RSPH14: variants seen among roughly 807,000 people sequenced by gnomAD.
RSPH14 encodes radial spoke head 14 homolog.
RSPH14 carries 20 observed loss-of-function variants against 26.7 expected under a neutral mutation model. The observed-to-expected ratio is 0.75, with a 90% CI of 0.53 to 1.09. The LOEUF (loss-of-function observed/expected upper bound fraction) is 1.09, where lower values mean the gene tolerates loss of function less well. RSPH14 is among the 50% of genes least tolerant of loss of function. The probability of loss-of-function intolerance (pLI) is 0.00; values close to 1 mark genes in which losing one functional copy is unlikely to be tolerated. For synonymous variants in RSPH14, 177 were observed against 189.3 expected (o/e 0.93, Z 0.53); for missense variants, 449 against 457.2 (o/e 0.98, Z 0.16).
At chr22:23,077,439 A>G (rs1477263480) in intron 4 of RSPH14, among the ~76,000 whole-genome samples, 2 of 151,802 alleles carry the variant, frequency 1.3e-5, no homozygotes, top group Non-Finnish European at 2.9e-5. Context: ...AGACTCAACC[A>G]CTCTACAAGG....
intron 4 of RSPH14, among the ~76,000 whole-genome samples, chr22:23,111,039 G>C (rs563965918): frequency 1.1e-4 from 17 of 152,362 alleles, no homozygotes; most frequent in Non-Finnish European, 2.2e-4. Context: ...GGGTAGGATA[G>C]CACTGGGATT....
At chr22:23,157,188 G>A in the RSPH14 span, among the ~76,000 whole-genome samples, 1 of 152,142 alleles carries the variant, frequency 6.6e-6, no homozygotes, top group African/African-American at 2.4e-5. Flanking sequence ...GCTAAAGCAG[G>A]TTGTTGCTAA....
chr22:23,064,790 T>G (rs2146214758), intron 4 of RSPH14, among the ~76,000 whole-genome samples: 1 of 152,208 alleles, frequency 6.6e-6, no homozygotes, highest in South Asian at 2.1e-4. Context: ...GGGGTGCAGG[T>G]ACTGGGAGAA....
At chr22:23,155,824 G>T in the RSPH14 span, 3 of 653,456 alleles carry the variant, frequency 4.6e-6, no homozygotes, top group Non-Finnish European at 7.4e-6. Context: ...GGGACATCTG[G>T]CTCACAACAG....
At chr22:23,152,493 A>G in the RSPH14 span, 4 of 1,614,064 alleles carry the variant, frequency 2.5e-6, no homozygotes, top group Non-Finnish European at 3.4e-6. Flanking sequence ...GTGGTTGGCG[A>G]TCTCTACGTG....
At chr22:23,128,330 C>A (rs547445210) in intron 4 of RSPH14, among the ~76,000 whole-genome samples, 10 of 152,214 alleles carry the variant, frequency 6.6e-5, no homozygotes, top group Non-Finnish European at 1.5e-4. Flanking sequence ...TGGTTCCTGG[C>A]CTGCCAGGCC....
intron 4 of RSPH14, among the ~76,000 whole-genome samples, chr22:23,130,076 A>AAAGG (rs1569192381): frequency 2.2e-4 from 7 of 31,282 alleles, no homozygotes; most frequent in African/African-American, 6.7e-4. Context: ...AGAAAGAAAG[A>AAAGG]AAGAAAGGAA....
At chr22:23,141,145 A>G (rs1443240935) in intron 1 of RSPH14, among the ~76,000 whole-genome samples, 1 of 152,174 alleles carries the variant, frequency 6.6e-6, no homozygotes, top group African/African-American at 2.4e-5. Context: ...CCTGGCCAAC[A>G]TGGTGAAACC....
chr22:23,142,357 G>T (rs1429231554), upstream of RSPH14, among the ~76,000 whole-genome samples: 1 of 151,766 alleles, frequency 6.6e-6, no homozygotes, highest in Non-Finnish European at 1.5e-5. Context: ...GCTCTTTCAC[G>T]CAGGCTGGAG....
the RSPH14 span, among the ~76,000 whole-genome samples, chr22:23,165,956 C>T: frequency 3.9e-5 from 6 of 151,992 alleles, no homozygotes; most frequent in Admixed American, 3.3e-4. Flanking sequence ...ACCATCCTGG[C>T]TAACATGGTG....
chr22:23,135,498 G>GTAAATAAATAAA (rs71200835), intron 3 of RSPH14, among the ~76,000 whole-genome samples: 63,300 of 146,766 alleles, frequency 0.43, 14,152 homozygotes, highest in Middle Eastern at 0.5. Flanking sequence ...TCTCAAATAA[G>GTAAATAAATAAA]TAAATAAATA....
chr22:23,122,597 G>A (rs2070061611), intron 4 of RSPH14: 1 of 162,172 alleles, frequency 6.2e-6, no homozygotes, highest in Non-Finnish European at 1.4e-5. Context: ...TCAGAGTTTT[G>A]AAGGACTGGG....
At chr22:23,155,874 G>A in the RSPH14 span, 1 of 1,186,482 alleles carries the variant, frequency 8.4e-7, no homozygotes, top group Non-Finnish European at 1.2e-6. Context: ...AGGCCCTTAG[G>A]GTCTCCCACC....
the RSPH14 span, chr22:23,157,934 G>T: frequency 1.2e-6 from 2 of 1,609,874 alleles, no homozygotes; most frequent in Non-Finnish European, 1.7e-6. Flanking sequence ...CTCCTGGGGA[G>T]CCCCCTTGCT....
chr22:23,081,209 G>T (rs1044619786), intron 4 of RSPH14, among the ~76,000 whole-genome samples: 10 of 152,198 alleles, frequency 6.6e-5, no homozygotes, highest in African/African-American at 2.2e-4. Flanking sequence ...TCAGATTCCG[G>T]GTCCTTTGCC....
chr22:23,111,682 T>G (rs1177163667), intron 4 of RSPH14, among the ~76,000 whole-genome samples: 2 of 152,174 alleles, frequency 1.3e-5, no homozygotes, highest in Admixed American at 6.5e-5. Context: ...CACTGCAGTT[T>G]GGTGGGAGAA....
chr22:23,157,370 C>T, the RSPH14 span, among the ~76,000 whole-genome samples: 4 of 152,122 alleles, frequency 2.6e-5, no homozygotes, highest in Non-Finnish European at 5.9e-5. Context: ...CCTCCCTCAG[C>T]CTCCCGAGTA....
At chr22:23,145,680 T>G (rs1008899341), upstream of RSPH14, 8 of 1,159,000 alleles carry the variant, frequency 6.9e-6, no homozygotes, top group Admixed American at 1.9e-4. Flanking sequence ...GAAAGCGGCC[T>G]GCGGCCCCGG....
In RSPH14 at chr22:23,111,321, C is replaced by T. The variant is rs74635008; in HGVS notation, c.421+22705G>A. ...CTGGCTCTGTACCGAGCAGGGGGTGCGGCCACAAATCTCCAAGCCCAGGCC... is the reference window on the plus strand; with the variant it reads ...CTGGCTCTGTACCGAGCAGGGGGTGTGGCCACAAATCTCCAAGCCCAGGCC... On this transcript the variant is annotated intron_variant, in intron 4 of 6. Coordinates refer to ENST00000216036, the MANE Select transcript of RSPH14 (RefSeq NM_014433.3). 5.7e-3 allele frequency among the ~76,000 whole-genome samples: 862 copies of T among 152,302 alleles called. 26 individuals are homozygous for T. In the East Asian group the frequency reaches 0.084, roughly 15 times the overall value.
Sources: gnomAD v4.1 joint callset for allele counts (sites outside exome capture counted in the v4.1 genomes callset) on GRCh38, gnomAD v4.1.1 for gene constraint, MANE v1.5 for transcripts, NCBI Gene and HGNC (gene_info 2026-07-23, HGNC 2026-07-21) for gene names.